The following KCNQ1OT1 variants were observed in gnomAD, a reference collection of about 807,000 sequenced individuals.
The protein encoded by KCNQ1OT1 is KCNQ1 antisense RNA 2 (non-protein coding).
chr11:2,676,878 TTAG>T lies in KCNQ1OT1; in HGVS notation n.23114_23116del. On this transcript the variant is annotated non_coding_transcript_exon_variant, in exon 1 of 1. Transcript: ENST00000597346. The surrounding 1 kb of genome is among the most constrained non-coding windows in gnomAD (Gnocchi z 4.2). ...TTTGACTGGGGAGCCCTTTCATTTCTTAGTAAGTGTTCAGCCCCAGTGTGCACC... is the reference window on the plus strand; with the variant it reads ...TTTGACTGGGGAGCCCTTTCATTTCTTAAGTGTTCAGCCCCAGTGTGCACC... The T allele has an allele frequency of 2.5e-6, 1 of 398,648 alleles. No individual in the cohort carries two copies. Among genetic ancestry groups the T allele is most frequent in the East Asian group, 3.6e-5 (1 of 28,078 alleles). 24.7% of individuals were successfully genotyped at this position (398,648 alleles called of 1,614,324 possible). A position where few individuals can be genotyped will look rare whatever the true frequency, so the allele number is the denominator to read the frequency against.
chr11:2,680,370 T>C (rs962839651), exon 1 of KCNQ1OT1: 11 of 398,376 alleles, frequency 2.8e-5, no homozygotes, highest in African/African-American at 2.3e-4. Context: ...TTTACCCACA[T>C]GTTCAAATCC....
At position 2,651,716 on chromosome 11, in the gene KCNQ1OT1, A is replaced by G; in HGVS notation, n.48279T>C. 1 of 398,572 alleles carries G rather than the reference A, an allele frequency of 2.5e-6. No individual in the cohort carries two copies. The highest frequency in any genetic ancestry group is 3.6e-5 in the East Asian group (1 of 28,076). 24.7% of individuals were successfully genotyped at this position (398,572 alleles called of 1,614,324 possible). A position where few individuals can be genotyped will look rare whatever the true frequency, so the allele number is the denominator to read the frequency against. ...GTAATAGGCCATTTCCTAAGTAAGC[A>G]TCATCCTCATTTCTATACGTTTTCT... On this transcript the variant is annotated non_coding_transcript_exon_variant, in exon 1 of 1. Transcript: ENST00000597346. This position sits in a 1 kb window ranked among gnomAD's most constrained non-coding sequence, Gnocchi z 6.1.
At chr11:2,672,637 T>A in exon 1 of KCNQ1OT1, 1 of 398,636 alleles carries the variant, frequency 2.5e-6, no homozygotes, top group Non-Finnish European at 4.4e-6. Context: ...TCTGGGTAAA[T>A]GGAAGCACTG....
chr11:2,613,875 G>A lies in KCNQ1OT1; in HGVS notation n.86120C>T, dbSNP rs1345355830. ...GTTTGTGTGTGTTTGCTCTTTATAAGACATGATTATTTTCTCATTTCCCAA... is the reference window on the plus strand; with the variant it reads ...GTTTGTGTGTGTTTGCTCTTTATAAAACATGATTATTTTCTCATTTCCCAA... On this transcript the variant is annotated non_coding_transcript_exon_variant, in exon 1 of 1. Coordinates refer to ENST00000597346, the Ensembl canonical transcript of KCNQ1OT1. The surrounding 1 kb of genome is among the most constrained non-coding windows in gnomAD (Gnocchi z 4.8). 2.5e-6 allele frequency: 1 copy of A among 398,326 alleles called. No individual in the cohort carries two copies. The highest frequency in any genetic ancestry group is 4.4e-6 in the Non-Finnish European group (1 of 226,034). 24.7% of individuals were successfully genotyped at this position (398,326 alleles called of 1,614,324 possible).
chr11:2,685,473 T>A (rs759825350), exon 1 of KCNQ1OT1: 1 of 398,662 alleles, frequency 2.5e-6, no homozygotes, highest in Non-Finnish European at 4.4e-6. Context: ...GCAACTCCCA[T>A]CTCACAGGCC....
Position 2,627,100 on chromosome 11 carries a change from T to C in KCNQ1OT1, n.72895A>G. 5.0e-6 allele frequency: 2 copies of C among 398,556 alleles called. No individual in the cohort carries two copies. Among genetic ancestry groups the C allele is most frequent in the Non-Finnish European group, 8.8e-6 (2 of 226,044 alleles). 24.7% of individuals were successfully genotyped at this position (398,556 alleles called of 1,614,324 possible). A position where few individuals can be genotyped will look rare whatever the true frequency, so the allele number is the denominator to read the frequency against. The stretch of plus-strand genomic sequence containing the variant: ...ATGTCTACTTTAATTTCTTTCAGCA[T>C]TGTTTTGTAATTTTCATTGTACAAG... On this transcript the variant is annotated non_coding_transcript_exon_variant, in exon 1 of 1. Transcript: ENST00000597346. The surrounding 1 kb of genome is among the most constrained non-coding windows in gnomAD (Gnocchi z 4.9).
chr11:2,614,513 ACT>A (rs1333576494), exon 1 of KCNQ1OT1: 6 of 398,308 alleles, frequency 1.5e-5, no homozygotes, highest in Non-Finnish European at 8.8e-6. Flanking sequence ...TATGCCTTTA[ACT>A]CTTATTTTTT....
chr11:2,612,712 C>G lies in KCNQ1OT1; in HGVS notation n.87283G>C. ...AGTTATAATACTTACTTTGAAATCGCGCCCTAACATTTGGGGCCCTTCAGA... is the reference window on the plus strand; with the variant it reads ...AGTTATAATACTTACTTTGAAATCGGGCCCTAACATTTGGGGCCCTTCAGA... On this transcript the variant is annotated non_coding_transcript_exon_variant, in exon 1 of 1. Coordinates refer to ENST00000597346, the Ensembl canonical transcript of KCNQ1OT1. This position sits in a 1 kb window ranked among gnomAD's most constrained non-coding sequence, Gnocchi z 5.5. 2.5e-6 allele frequency: 1 copy of G among 398,524 alleles called. No individual in the cohort carries two copies. The allele number at this position is 398,524 out of a possible 1,614,324, so 24.7% of individuals were successfully genotyped here. A position where few individuals can be genotyped will look rare whatever the true frequency, so the allele number is the denominator to read the frequency against.
At chr11:2,689,287 C>T in exon 1 of KCNQ1OT1, 1 of 398,682 alleles carries the variant, frequency 2.5e-6, no homozygotes, top group Non-Finnish European at 4.4e-6. Context: ...AGATATCTCC[C>T]ACTCCAACCC....
At chr11:2,675,965 G>A (rs977958475) in exon 1 of KCNQ1OT1, 4 of 398,446 alleles carry the variant, frequency 1.0e-5, no homozygotes, top group African/African-American at 8.2e-5. Flanking sequence ...GTACAAAAGG[G>A]GTGAAAAATA....
In KCNQ1OT1 at chr11:2,608,703, A is replaced by G. The variant is rs560903478; in HGVS notation, n.91292T>C. On this transcript the variant is annotated non_coding_transcript_exon_variant, in exon 1 of 1. Coordinates refer to ENST00000597346, the Ensembl canonical transcript of KCNQ1OT1. The surrounding 1 kb of genome is among the most constrained non-coding windows in gnomAD (Gnocchi z 4.6). ...ATTCTTGAACTCCTGGCCACAAGCA[A>G]TTCTCGAACTCCTGGCCACAAGCAA... 1.2e-4 allele frequency: 44 copies of G among 381,194 alleles called. 1 individual carries two copies. In the East Asian group the frequency reaches 1.3e-3, roughly 11 times the overall value. 23.6% of individuals were successfully genotyped at this position (381,194 alleles called of 1,614,324 possible).
In KCNQ1OT1 at chr11:2,659,140, C is replaced by G. The variant is rs891666371; in HGVS notation, n.40855G>C. ...TTAAATTTGCATACAGTAAAATCCA[C>G]TCTTTGAGATTCAGTTCTGTGGGTT... On this transcript the variant is annotated non_coding_transcript_exon_variant, in exon 1 of 1. Transcript: ENST00000597346. This position sits in a 1 kb window ranked among gnomAD's most constrained non-coding sequence, Gnocchi z 4.3. 7.5e-6 allele frequency: 3 copies of G among 398,480 alleles called. No homozygotes were observed. Among genetic ancestry groups the G allele is most frequent in the Non-Finnish European group, 1.3e-5 (3 of 226,056 alleles). The allele number at this position is 398,480 out of a possible 1,614,324, so 24.7% of individuals were successfully genotyped here. A position where few individuals can be genotyped will look rare whatever the true frequency, so the allele number is the denominator to read the frequency against.
At chr11:2,618,159 T>C (rs376281396) in exon 1 of KCNQ1OT1, 20 of 398,410 alleles carry the variant, frequency 5.0e-5, no homozygotes, top group African/African-American at 1.9e-4. Context: ...TTTGGTCTTA[T>C]GTTTAGGTCT....
Position 2,649,053 on chromosome 11 carries a change from TTG to T in KCNQ1OT1, n.50940_50941del, listed in dbSNP as rs1849717085. 3 of 396,654 alleles carry T rather than the reference TTG, an allele frequency of 7.6e-6. No homozygotes were observed. The South Asian group carries it at 3.9e-4, about 51-fold the overall frequency. The allele number at this position is 396,654 out of a possible 1,614,324, so 24.6% of individuals were successfully genotyped here. ...ACTCCTGCATGCTTTTGGTGTCTGT[TTG>T]TGTGGAATATCTTTTTCTATCCATT... On this transcript the variant is annotated non_coding_transcript_exon_variant, in exon 1 of 1. Transcript: ENST00000597346.
At chr11:2,699,441 C>T (rs1850735620) in exon 1 of KCNQ1OT1, 6 of 399,004 alleles carry the variant, frequency 1.5e-5, no homozygotes, top group Non-Finnish European at 1.7e-5. Flanking sequence ...TCTGGGAGAA[C>T]CGCACTGAGG....
rs1299486724 is a variant in KCNQ1OT1, at chr11:2,654,226, C to T, written n.45769G>A. The T allele has an allele frequency of 3.8e-5, 15 of 398,574 alleles. No homozygotes were observed. The highest frequency in any genetic ancestry group is 6.2e-5 in the Non-Finnish European group (14 of 226,214). The allele number at this position is 398,574 out of a possible 1,614,324, so 24.7% of individuals were successfully genotyped here. A position where few individuals can be genotyped will look rare whatever the true frequency, so the allele number is the denominator to read the frequency against. ...CACGCAGGGCCTGGCTGCAGCTGTC[C>T]GGATGCCCCTGGGGAGGGCTTCTCC... On this transcript the variant is annotated non_coding_transcript_exon_variant, in exon 1 of 1. Transcript: ENST00000597346. The surrounding 1 kb of genome is among the most constrained non-coding windows in gnomAD (Gnocchi z 6.4).
exon 1 of KCNQ1OT1, chr11:2,634,148 T>TG (rs1849411785): frequency 2.5e-6 from 1 of 397,392 alleles, no homozygotes; most frequent in African/African-American, 2.1e-5. Context: ...TTTTTTTTTT[T>TG]AGATTTCTCT....
exon 1 of KCNQ1OT1, chr11:2,615,611 T>C (rs1849047861): frequency 2.5e-6 from 1 of 398,092 alleles, no homozygotes; most frequent in Non-Finnish European, 4.4e-6. Flanking sequence ...TTTTGTCAAA[T>C]GCTTGTTCTG....
Position 2,682,120 on chromosome 11 carries a change from G to T in KCNQ1OT1, n.17875C>A, listed in dbSNP as rs1283583092. 1 of 398,468 alleles carries T rather than the reference G, an allele frequency of 2.5e-6. No individual in the cohort carries two copies. The highest frequency in any genetic ancestry group is 3.6e-5 in the East Asian group (1 of 28,078). 24.7% of individuals were successfully genotyped at this position (398,468 alleles called of 1,614,324 possible). A position where few individuals can be genotyped will look rare whatever the true frequency, so the allele number is the denominator to read the frequency against. On this transcript the variant is annotated non_coding_transcript_exon_variant, in exon 1 of 1. Coordinates refer to ENST00000597346, the Ensembl canonical transcript of KCNQ1OT1. This position sits in a 1 kb window ranked among gnomAD's most constrained non-coding sequence, Gnocchi z 5.8. ...AAGCTAGGGAGCCGTGGATCTGCAGGAGATGTCCCAGCTCATCAAATATTC... is the reference window on the plus strand; with the variant it reads ...AAGCTAGGGAGCCGTGGATCTGCAGTAGATGTCCCAGCTCATCAAATATTC...
Sources: gnomAD v4.1 joint callset for allele counts on GRCh38, gnomAD v4.1.1 for gene constraint, Gnocchi (gnomAD v3.1) non-coding constraint, MANE v1.5 for transcripts, NCBI Gene and HGNC (gene_info 2026-07-23, HGNC 2026-07-21) for gene names.